The following PTK2 variants were observed in gnomAD, a reference collection of about 807,000 sequenced individuals.
PTK2 encodes focal adhesion kinase 1.
A neutral mutation model predicts 150.1 loss-of-function variants in PTK2; 45 were observed. That is an observed-to-expected ratio of 0.30 (90% CI 0.24 to 0.38). PTK2 has a LOEUF of 0.38. Among genes scored for constraint, PTK2 ranks in the 10% least tolerant of loss-of-function variants. The pLI is 1.00. For synonymous variants in PTK2, 432 were observed against 449.2 expected, an observed-to-expected ratio of 0.96 and a Z score of 0.48; for missense variants, 919 against 1,307.3, an observed-to-expected ratio of 0.70 and a Z score of 4.58.
At chr8:140,757,447 A>G (rs973374624) in intron 16 of PTK2, among the ~76,000 whole-genome samples, 5 of 152,240 alleles carry the variant, frequency 3.3e-5, no homozygotes, top group African/African-American at 1.2e-4. Context: ...ACAATTTGAT[A>G]TAAGCACAAG....
intron 14 of PTK2, 32 bp downstream of exon 14, chr8:140,789,442 C>CT (rs2100087059): frequency 1.2e-6 from 2 of 1,608,616 alleles, no homozygotes; most frequent in African/African-American, 2.7e-5. Context: ...CATGAGAGTG[C>CT]TTTTCGAGGT....
intron 2 of PTK2, among the ~76,000 whole-genome samples, chr8:140,902,317 G>A (rs1342471986): frequency 6.6e-6 from 1 of 152,184 alleles, no homozygotes; most frequent in African/African-American, 2.4e-5. Flanking sequence ...TTACAGGCGT[G>A]AGCCACCGTG....
chr8:140,927,092 G>T (rs940577572), intron 1 of PTK2, among the ~76,000 whole-genome samples: 1 of 152,146 alleles, frequency 6.6e-6, no homozygotes, highest in Admixed American at 6.6e-5. Context: ...TGACAACACA[G>T]GACAGAAGAA....
chr8:140,964,774 G>GT (rs1401122067), intron 1 of PTK2, among the ~76,000 whole-genome samples: 1 of 151,972 alleles, frequency 6.6e-6, no homozygotes, highest in African/African-American at 2.4e-5. Context: ...GCAAAGAAAG[G>GT]TTTTTTCATT....
chr8:140,995,642 A>G (rs1441920726), intron 1 of PTK2, among the ~76,000 whole-genome samples: 2 of 151,670 alleles, frequency 1.3e-5, no homozygotes, highest in Non-Finnish European at 2.9e-5. Flanking sequence ...TCTCTACTAA[A>G]AAAACAAACA....
intron 26 of PTK2, among the ~76,000 whole-genome samples, chr8:140,698,867 A>G (rs2100028460): frequency 6.6e-6 from 1 of 151,386 alleles, no homozygotes; most frequent in African/African-American, 2.4e-5. Flanking sequence ...AGCCCGCCTC[A>G]GCCTCCCGAA....
chr8:140,695,555 A>G (rs1247059232), intron 26 of PTK2, among the ~76,000 whole-genome samples: 3 of 151,820 alleles, frequency 2.0e-5, no homozygotes, highest in East Asian at 3.9e-4. Context: ...GGATTACAGG[A>G]GAGTGCCACC....
intron 10 of PTK2, among the ~76,000 whole-genome samples, chr8:140,808,557 A>G (rs563838160): frequency 6.6e-6 from 1 of 152,316 alleles, no homozygotes; most frequent in South Asian, 2.1e-4. Flanking sequence ...ACTGTGAAAC[A>G]GTTAACATTT....
chr8:140,758,412 A>C (rs1243606058), intron 16 of PTK2, among the ~76,000 whole-genome samples: 1 of 152,180 alleles, frequency 6.6e-6, no homozygotes, highest in Non-Finnish European at 1.5e-5. Context: ...ACAAAACAAA[A>C]CAAAACAAAA....
intron 10 of PTK2, among the ~76,000 whole-genome samples, chr8:140,813,176 A>T (rs971914439): frequency 5.9e-5 from 9 of 152,224 alleles, no homozygotes; most frequent in African/African-American, 2.2e-4. Flanking sequence ...AATCATAATA[A>T]CCATTCCCTC....
At chr8:140,767,723 T>A (rs1378199316) in intron 14 of PTK2, among the ~76,000 whole-genome samples, 1 of 152,218 alleles carries the variant, frequency 6.6e-6, no homozygotes, top group Non-Finnish European at 1.5e-5. Flanking sequence ...TGGACTCAAG[T>A]GTAATCCCAG....
At position 140,746,746 on chromosome 8, in the gene PTK2, G is replaced by T; in HGVS notation, c.1518+14C>A. On this transcript the variant is annotated intron_variant, in intron 18 of 31. Coordinates refer to ENST00000522684, the Ensembl canonical transcript of PTK2. ...ACGCTGAGTCCAGAAGGTAAGATTT[G>T]GGGATCACAGTACCTCTCCAAGTGT... 1 of 1,570,496 alleles carries T rather than the reference G, an allele frequency of 6.4e-7. No individual in the cohort carries two copies. The highest frequency in any genetic ancestry group is 1.2e-5 in the South Asian group (1 of 86,330).
At chr8:140,744,509 A>C (rs1565494250) in intron 19 of PTK2, 143 bp downstream of exon 22, 1 of 462,364 alleles carries the variant, frequency 2.2e-6, no homozygotes, top group Non-Finnish European at 3.9e-6. Context: ...TGGTATACAG[A>C]ATACAATTTT....
At position 140,959,538 on chromosome 8, in the gene PTK2, C is replaced by CAA. The variant is rs34010616; in HGVS notation, c.-121-33791_-121-33790dup. Among the ~76,000 whole-genome samples the CAA allele has an allele frequency of 1.0e-3, 87 of 85,038 alleles. 1 individual carries two copies. The highest frequency in any genetic ancestry group is 4.0e-3 in the African/African-American group (75 of 18,776). The allele number at this position is 85,038 out of a possible 152,430, so 55.8% of individuals were successfully genotyped here. On this transcript the variant is annotated intron_variant, in intron 1 of 31. Transcript: ENST00000522684. ...TGGGCGACACAGCAAGACTCTGTCT[C>CAA]AAAAAAAAAAAAAAAAAAAAGTAGT...
At chr8:140,741,310 C>A (rs2100055498) in intron 20 of PTK2, among the ~76,000 whole-genome samples, 2 of 151,544 alleles carry the variant, frequency 1.3e-5, no homozygotes, top group African/African-American at 2.4e-5. Flanking sequence ...AAAAAATTAG[C>A]CGGGCGTGGT....
intron 4 of PTK2, among the ~76,000 whole-genome samples, chr8:140,871,615 A>C (rs539858824): frequency 3.3e-5 from 5 of 152,244 alleles, no homozygotes; most frequent in Non-Finnish European, 5.9e-5. Context: ...CCTGGGTAAC[A>C]TATCAAGACC....
intron 12 of PTK2, among the ~76,000 whole-genome samples, chr8:140,793,650 C>T (rs1020322712): frequency 4.6e-5 from 7 of 152,216 alleles, no homozygotes; most frequent in African/African-American, 1.7e-4. Context: ...TGAAAGACTT[C>T]GTTTGCAGGA....
chr8:140,764,679 G>C (rs1002565728), intron 14 of PTK2, among the ~76,000 whole-genome samples: 5 of 152,122 alleles, frequency 3.3e-5, no homozygotes, highest in African/African-American at 7.2e-5. Flanking sequence ...AATAAGACTG[G>C]TATCTATAAA....
exon 32 of PTK2, chr8:140,659,102 G>A (rs1006307324): frequency 1.9e-5 from 5 of 268,450 alleles, no homozygotes; most frequent in Non-Finnish European, 3.6e-5. Flanking sequence ...ATGCAGCTAA[G>A]GTAGTTTAGG....
Sources: allele counts gnomAD v4.1 joint callset (sites outside exome capture counted in the v4.1 genomes callset), GRCh38; gene constraint gnomAD v4.1.1; transcripts MANE v1.5; gene names NCBI Gene and HGNC (gene_info 2026-07-23, HGNC 2026-07-21).